Variants in DNAH1 observed in about 807,000 individuals in gnomAD.
The protein encoded by DNAH1 is dynein axonemal heavy chain 1, also known as axonemal beta dynein heavy chain 1.
In DNAH1, 327 loss-of-function variants were observed where a neutral mutation model predicts 484.3. That is an observed-to-expected ratio of 0.68 (90% CI 0.62 to 0.74). The LOEUF (loss-of-function observed/expected upper bound fraction) is 0.74. Among genes scored for constraint, DNAH1 ranks in the 30% least tolerant of loss-of-function variants. The pLI is 0.00. For missense variants in DNAH1, 5,052 were observed against 5,546.8 expected (o/e 0.91, Z 2.83); for synonymous variants, 2,192 against 2,191.9 (o/e 1.00, Z 0.00).
At chr3:52,363,236 C>T (rs545837611) in intron 32 of DNAH1, 92 bp downstream of exon 32, 117 of 1,515,248 alleles carry the variant, frequency 7.7e-5, no homozygotes, top group Middle Eastern at 2.3e-4. Context: ...GCTCTATGCC[C>T]GGTGCTTTAC....
At chr3:52,384,443 G>A (rs1000364311) in intron 52 of DNAH1, among the ~76,000 whole-genome samples, 16 of 152,276 alleles carry the variant, frequency 1.1e-4, no homozygotes, top group South Asian at 2.1e-4. Flanking sequence ...CTCTGAGGGG[G>A]AACCACCTCA....
In DNAH1 at chr3:52,389,692, C is replaced by T. The variant is rs188294631; in HGVS notation, c.9621+106C>T. 4,301 of 1,224,790 alleles carry T rather than the reference C, an allele frequency of 3.5e-3. 13 individuals are homozygous for T. The highest frequency in any genetic ancestry group is 3.2e-3 in the Non-Finnish European group (3,122 of 966,532). 75.9% of individuals were successfully genotyped at this position (1,224,790 alleles called of 1,614,324 possible). On this transcript the variant is annotated intron_variant, in intron 60 of 77. Transcript: ENST00000420323. ...CTACCCTGCTTTCCAGGGCCTGGCT[C>T]GGAGCTGCCTCTGCTGAACCCTCCT...
At chr3:52,357,790 T>G (rs1203525049) in intron 23 of DNAH1, 55 bp downstream of exon 23, 5 of 1,572,826 alleles carry the variant, frequency 3.2e-6, no homozygotes, top group Non-Finnish European at 4.3e-6. Flanking sequence ...AAGGCTGAGG[T>G]GTCCAGGGCC....
At position 52,370,839 on chromosome 3, in the gene DNAH1, C is replaced by A; in HGVS notation, c.6525+14C>A. The A allele has an allele frequency of 1.9e-6, 3 of 1,577,832 alleles. No individual in the cohort carries two copies. Among genetic ancestry groups the A allele is most frequent in the East Asian group, 2.3e-5 (1 of 42,892 alleles). On this transcript the variant is annotated intron_variant, in intron 41 of 77. Transcript: ENST00000420323. ...GAATACAAGCAGGTGGCCGCAGGCC[C>A]TCCCCAGAGACTGCACAGGGAGGGA...
intron 8 of DNAH1, among the ~76,000 whole-genome samples, chr3:52,341,892 G>C (rs1024941760): frequency 6.6e-6 from 1 of 152,216 alleles, no homozygotes; most frequent in Non-Finnish European, 1.5e-5. Flanking sequence ...ACTGGGTACA[G>C]AGGAGTGAAC....
rs996255545 is a variant in DNAH1, at chr3:52,366,526, C to G, written c.5588C>G (p.Pro1863Arg). 1.7e-5 allele frequency: 27 copies of G among 1,598,604 alleles called. No individual in the cohort carries two copies. The highest frequency in any genetic ancestry group is 2.7e-5 in the African/African-American group (2 of 74,526). ...VVRHGLMLVGPTGSGKSTCYR... is the reference protein window; with the variant it reads ...VVRHGLMLVGRTGSGKSTCYR... ...CGACACGGCCTCATGCTCGTCGGGC[C>G]CACAGGCTCCGGCAAGAGTACTGTA... is the stretch of plus-strand genomic sequence containing the variant. The change falls in exon 35 of 78, where the codon CCC becomes CGC. Residue 1863 changes from proline to arginine, a missense_variant. Physicochemically the swap from Pro to Arg is moderately radical, Grantham distance 103. Transcript: ENST00000420323.
intron 67 of DNAH1, 54 bp from the exon 68 acceptor site, chr3:52,394,861 A>G: frequency 6.3e-7 from 1 of 1,596,260 alleles, no homozygotes; most frequent in East Asian, 2.3e-5. Flanking sequence ...CCCTGGGGCC[A>G]CCAACCTCCT....
chr3:52,397,200 C>G (rs1219084286), intron 73 of DNAH1, among the ~76,000 whole-genome samples, 156 bp downstream of exon 73: 1 of 152,002 alleles, frequency 6.6e-6, no homozygotes, highest in African/African-American at 2.4e-5. Context: ...CAAAGACAGC[C>G]TTGGCGAGGG....
At position 52,381,949 on chromosome 3, in the gene DNAH1, C is replaced by T. The variant is rs1017216399; in HGVS notation, c.7805+113C>T. ...GCCTCGGGCAACCCTGAAGTAGGCCCGTGCAGCCTACAGGCTTCTGGAAAG... is the reference window on the plus strand; with the variant it reads ...GCCTCGGGCAACCCTGAAGTAGGCCTGTGCAGCCTACAGGCTTCTGGAAAG... On this transcript the variant is annotated intron_variant, in intron 49 of 77. Coordinates refer to ENST00000420323, the MANE Select transcript of DNAH1 (RefSeq NM_015512.5). The surrounding 1 kb of genome is among the most constrained non-coding windows in gnomAD (Gnocchi z 4.1). 8.7e-6 allele frequency: 10 copies of T among 1,155,828 alleles called. No homozygotes were observed. The highest frequency in any genetic ancestry group is 3.1e-5 in the South Asian group (2 of 63,530). 71.6% of individuals were successfully genotyped at this position (1,155,828 alleles called of 1,614,324 possible). A position where few individuals can be genotyped will look rare whatever the true frequency, so the allele number is the denominator to read the frequency against.
rs747280596 is a variant in DNAH1 at position 52,383,539 on chromosome 3, A to T, written c.8095A>T (p.Met2699Leu). 22 of 1,610,990 alleles carry T rather than the reference A, an allele frequency of 1.4e-5. No individual in the cohort carries two copies. The highest frequency in any genetic ancestry group is 1.8e-5 in the Non-Finnish European group (21 of 1,177,912). ...CCTACAGCCCACCAAGGCCAACCTC[A>T]TGGCTGCTTACACAGGGCGTGTGCG... ...QGLQPTKANL[M>L]AAYTGRVRSN... is the part of the protein sequence containing the mutation. The change falls in exon 51 of 78, where the codon ATG becomes TTG. Residue 2699 changes from methionine (M) to leucine (L), a missense_variant. This residue lies in a region of DNAH1 where 2,929 missense variants were observed against 3,409.4 expected (regional missense o/e 0.86). Transcript: ENST00000420323.
At chr3:52,394,354 A>G (rs984785804) in intron 66 of DNAH1, 111 bp from the exon 67 acceptor site, 1 of 1,018,988 alleles carries the variant, frequency 9.8e-7, no homozygotes, top group Non-Finnish European at 1.4e-6. Context: ...CCCAAGGGAG[A>G]CTCAGTTTCT....
Position 52,353,385 on chromosome 3 carries a change from C to T in DNAH1, c.3232C>T (p.Gln1078Ter), listed in dbSNP as rs1300888665. 1 of 1,609,416 alleles carries T rather than the reference C, an allele frequency of 6.2e-7. No homozygotes were observed. The highest frequency in any genetic ancestry group is 8.5e-7 in the Non-Finnish European group (1 of 1,176,528). ...GTTTCTGTCTTACCCGGCAGCCTGCCAGGAAGTGGCCTTGGACATCCGGGC... is the reference window on the plus strand; with the variant it reads ...GTTTCTGTCTTACCCGGCAGCCTGCTAGGAAGTGGCCTTGGACATCCGGGC... ...VKQFKDMPAC[Q>*]EVALDIRARI... The change falls in exon 20 of 78, where the codon CAG (glutamine) becomes TAG (stop). Residue 1078 changes from glutamine (Q) to a stop codon, truncating the protein, a stop_gained. Transcript: ENST00000420323. LOFTEE classifies it high-confidence loss of function. The surrounding 1 kb of genome is among the most constrained non-coding windows in gnomAD (Gnocchi z 5.0).
chr3:52,395,305 C>A lies in DNAH1; in HGVS notation c.10969-3C>A, dbSNP rs766659160. 1.2e-6 allele frequency: 2 copies of A among 1,613,006 alleles called. No homozygotes were observed. The highest frequency in any genetic ancestry group is 1.7e-6 in the Non-Finnish European group (2 of 1,179,532). On this transcript the variant is annotated splice_region_variant and splice_polypyrimidine_tract_variant and intron_variant, in intron 68 of 77. Transcript: ENST00000420323. The surrounding 1 kb of genome is among the most constrained non-coding windows in gnomAD (Gnocchi z 4.4). ...GTCTCAGCATCTCCCCCTGCCCTTGCAGACAGCCAATCTGTCAGTGGTGTT... is the reference window on the plus strand; with the variant it reads ...GTCTCAGCATCTCCCCCTGCCCTTGAAGACAGCCAATCTGTCAGTGGTGTT...
Position 52,386,364 on chromosome 3 carries a change from C to T in DNAH1, c.8811+19C>T. 1 of 1,542,592 alleles carries T rather than the reference C, an allele frequency of 6.5e-7. No homozygotes were observed. The highest frequency in any genetic ancestry group is 8.8e-7 in the Non-Finnish European group (1 of 1,142,544). ...GACCGAGGTGGGCAGCAGGGCATCTCCTGGCATTCCCTCTCATATGCCTCT... is the reference window on the plus strand; with the variant it reads ...GACCGAGGTGGGCAGCAGGGCATCTTCTGGCATTCCCTCTCATATGCCTCT... On this transcript the variant is annotated intron_variant, in intron 55 of 77. Coordinates refer to ENST00000420323, the MANE Select transcript of DNAH1 (RefSeq NM_015512.5).
At chr3:52,340,949 G>T (rs551904444) in intron 8 of DNAH1, among the ~76,000 whole-genome samples, 1 of 151,938 alleles carries the variant, frequency 6.6e-6, no homozygotes, top group Non-Finnish European at 1.5e-5. Context: ...GGTAGTGTTA[G>T]TTTTTTCTTC....
chr3:52,380,214 T>C (rs1412662669), intron 48 of DNAH1, 79 bp downstream of exon 48: 4 of 1,281,350 alleles, frequency 3.1e-6, no homozygotes, highest in Non-Finnish European at 3.3e-6. Context: ...CCCCCTGCAG[T>C]CACCACTAAC....
At chr3:52,380,786 T>C (rs1269579878) in intron 48 of DNAH1, among the ~76,000 whole-genome samples, 2 of 152,186 alleles carry the variant, frequency 1.3e-5, no homozygotes, top group Admixed American at 6.5e-5. Context: ...GAGCCCATGA[T>C]TGGAGTCGCC....
Position 52,398,878 on chromosome 3 carries a change from CAG to C in DNAH1, c.12120_12121del (p.Gln4040HisfsTer33), listed in dbSNP as rs1466599967. On this transcript the variant is annotated frameshift_variant, in exon 76 of 78. Transcript: ENST00000420323. LOFTEE classifies it high-confidence loss of function. ...CAATCGGCTGCTGCAGGTGATCACA[CAG>C]ACACTGCAAGACCTACTCAAGGCAC... ...RYNRLLQVIT[Q>X]TLQDLLKALK... The C allele has an allele frequency of 2.5e-6, 4 of 1,569,314 alleles. No homozygotes were observed. Among genetic ancestry groups the C allele is most frequent in the Non-Finnish European group, 3.5e-6 (4 of 1,154,504 alleles).
rs1413398440 is a variant in DNAH1, at chr3:52,354,734, T to C, written c.3481-109T>C. On this transcript the variant is annotated intron_variant, in intron 20 of 77. Coordinates refer to ENST00000420323, the MANE Select transcript of DNAH1 (RefSeq NM_015512.5). ...CCGAGAGTATTTGCCAGAGCGGCCA[T>C]GTGGAGGTCATGGCCAGGTACTGTC... 9 of 1,037,972 alleles carry C rather than the reference T, an allele frequency of 8.7e-6. No individual in the cohort carries two copies. The East Asian group carries it at 1.6e-4, about 18-fold the overall frequency. The allele number at this position is 1,037,972 out of a possible 1,614,324, so 64.3% of individuals were successfully genotyped here.
Sources: allele counts gnomAD v4.1 joint callset (sites outside exome capture counted in the v4.1 genomes callset), GRCh38; gene constraint gnomAD v4.1.1; regional missense constraint gnomAD v4.1.1; non-coding constraint Gnocchi (gnomAD v3.1); transcripts MANE v1.5; gene names NCBI Gene and HGNC (gene_info 2026-07-23, HGNC 2026-07-21).